The following ANXA13 variants were observed in gnomAD, a reference collection of about 807,000 sequenced individuals.
The protein encoded by ANXA13 is annexin XIII.
Under a neutral mutation model 46.6 loss-of-function variants are expected in ANXA13, and 36 were observed. The observed-to-expected ratio is 0.77, with a 90% CI of 0.59 to 1.02. The LOEUF (loss-of-function observed/expected upper bound fraction) is 1.02, where lower values mean the gene tolerates loss of function less well. ANXA13 is among the 50% of genes least tolerant of loss of function. The pLI is 0.00. For missense variants in ANXA13, 417 were observed against 396.5 expected (o/e 1.05, Z -0.44); for synonymous variants, 163 against 152.9 (o/e 1.07, Z -0.49).
intron 1 of ANXA13, among the ~76,000 whole-genome samples, chr8:123,716,611 C>T (rs1300556404): frequency 6.6e-6 from 1 of 152,102 alleles, no homozygotes; most frequent in Non-Finnish European, 1.5e-5. Flanking sequence ...GTCGGTTTGG[C>T]GTTGTCCCCT....
At chr8:123,735,983 G>C in intron 1 of ANXA13, 1 of 1,255,634 alleles carries the variant, frequency 8.0e-7, no homozygotes, top group Non-Finnish European at 1.1e-6. Context: ...AGCTGTGAAT[G>C]CAGGGTCCAT....
intron 2 of ANXA13, among the ~76,000 whole-genome samples, chr8:123,703,801 T>A (rs936301775): frequency 1.3e-5 from 2 of 152,156 alleles, no homozygotes; most frequent in African/African-American, 4.8e-5. Flanking sequence ...TACTGAAAAC[T>A]ATAGTGAATA....
At chr8:123,702,824 C>G (rs1471508895) in intron 2 of ANXA13, 88 bp from the exon 3 acceptor site, 11 of 1,235,764 alleles carry the variant, frequency 8.9e-6, no homozygotes, top group Non-Finnish European at 1.3e-5. Context: ...AGCCAGGACT[C>G]ACAGCTTAAA....
chr8:123,706,420 C>T (rs950940159), intron 2 of ANXA13, among the ~76,000 whole-genome samples: 15 of 152,202 alleles, frequency 9.9e-5, no homozygotes, highest in Non-Finnish European at 2.2e-4. Flanking sequence ...AGCCTTTCTG[C>T]GTGCAGGAGA....
At chr8:123,682,014 C>G (rs1813048459) in intron 10 of ANXA13, among the ~76,000 whole-genome samples, 2 of 152,166 alleles carry the variant, frequency 1.3e-5, no homozygotes, top group South Asian at 4.1e-4. Flanking sequence ...ATGAATTGCC[C>G]TAAGCTAGCA....
chr8:123,687,269 C>T (rs996548967), intron 9 of ANXA13, among the ~76,000 whole-genome samples: 2 of 152,172 alleles, frequency 1.3e-5, no homozygotes, highest in Admixed American at 6.5e-5. Flanking sequence ...CAAGCAAGGA[C>T]GTACAGCCTC....
intron 1 of ANXA13, among the ~76,000 whole-genome samples, chr8:123,734,195 T>A (rs1256085484): frequency 6.6e-6 from 1 of 152,224 alleles, no homozygotes; most frequent in African/African-American, 2.4e-5. Flanking sequence ...TCTCCCTCCC[T>A]CTGTCATTCT....
At chr8:123,682,221 A>T (rs1188268804) in intron 10 of ANXA13, among the ~76,000 whole-genome samples, 1 of 152,240 alleles carries the variant, frequency 6.6e-6, no homozygotes, top group African/African-American at 2.4e-5. Flanking sequence ...TGTAGGATTT[A>T]TTTTGAATCT....
At chr8:123,726,317 C>G (rs1297849111) in intron 1 of ANXA13, among the ~76,000 whole-genome samples, 1 of 152,186 alleles carries the variant, frequency 6.6e-6, no homozygotes, top group Admixed American at 6.6e-5. Context: ...ATTTACTTAT[C>G]AAAGGTGACT....
chr8:123,687,764 C>T (rs1032223554), intron 9 of ANXA13, among the ~76,000 whole-genome samples: 1 of 152,200 alleles, frequency 6.6e-6, no homozygotes, highest in Non-Finnish European at 1.5e-5. Context: ...TGGGTTGGTG[C>T]CCTGGATTCC....
At chr8:123,720,386 T>C (rs1205012937) in intron 1 of ANXA13, among the ~76,000 whole-genome samples, 1 of 152,148 alleles carries the variant, frequency 6.6e-6, no homozygotes, top group Non-Finnish European at 1.5e-5. Context: ...CACCTGATTC[T>C]CCTCGGTTTA....
At chr8:123,694,331 A>T (rs1813293540) in intron 6 of ANXA13, among the ~76,000 whole-genome samples, 1 of 152,244 alleles carries the variant, frequency 6.6e-6, no homozygotes, top group African/African-American at 2.4e-5. Context: ...GATATAATTC[A>T]GGTCTCCAAT....
chr8:123,735,907 G>T, intron 1 of ANXA13: 2 of 1,571,890 alleles, frequency 1.3e-6, no homozygotes, highest in Non-Finnish European at 1.7e-6. Flanking sequence ...ACATAAAAAT[G>T]CTGGTCCACT....
At chr8:123,703,607 C>T (rs1813487157) in intron 2 of ANXA13, among the ~76,000 whole-genome samples, 1 of 152,194 alleles carries the variant, frequency 6.6e-6, no homozygotes, top group South Asian at 2.1e-4. Flanking sequence ...AGGATATAGG[C>T]TGAAACTGTT....
intron 9 of ANXA13, 73 bp downstream of exon 9, chr8:123,688,798 C>T: frequency 1.5e-6 from 2 of 1,371,430 alleles, no homozygotes; most frequent in African/African-American, 1.4e-5. Flanking sequence ...AATCTTCCTA[C>T]ACACAAACCT....
chr8:123,715,753 G>A (rs1365645173), intron 1 of ANXA13, among the ~76,000 whole-genome samples: 1 of 152,220 alleles, frequency 6.6e-6, no homozygotes, highest in Non-Finnish European at 1.5e-5. Context: ...AGACCGTGTG[G>A]AGACTTGTCT....
At chr8:123,682,460 C>T (rs1206979899) in intron 10 of ANXA13, among the ~76,000 whole-genome samples, 3 of 152,036 alleles carry the variant, frequency 2.0e-5, no homozygotes, top group Non-Finnish European at 4.4e-5. Context: ...TGGCTTAGAC[C>T]CTACCTTGTA....
At chr8:123,737,048 A>G (rs1336805290) in intron 1 of ANXA13, among the ~76,000 whole-genome samples, 1 of 150,026 alleles carries the variant, frequency 6.7e-6, no homozygotes, top group Non-Finnish European at 1.5e-5. Flanking sequence ...TTTAGTAGAG[A>G]CAGTGTTTCA....
chr8:123,715,292 A>G (rs995185173), intron 1 of ANXA13, among the ~76,000 whole-genome samples: 1 of 152,242 alleles, frequency 6.6e-6, no homozygotes, highest in Non-Finnish European at 1.5e-5. Context: ...GAGGCTGCAC[A>G]CTTATAAAGG....
Sources: gnomAD v4.1 joint callset for allele counts (sites outside exome capture counted in the v4.1 genomes callset) on GRCh38, gnomAD v4.1.1 for gene constraint, MANE v1.5 for transcripts, NCBI Gene and HGNC (gene_info 2026-07-23, HGNC 2026-07-21) for gene names.